The following ALK variants were observed in gnomAD, a reference collection of about 807,000 sequenced individuals.
The protein encoded by ALK is ALK receptor tyrosine kinase.
In ALK, 74 loss-of-function variants were observed where a neutral mutation model predicts 163.1. That is an observed-to-expected ratio of 0.45 (90% CI 0.38 to 0.55). ALK has a LOEUF of 0.55. Ranked by LOEUF, ALK falls within the 20% of genes least tolerant of loss-of-function variation. ALK has a pLI of 0.00. For missense variants in ALK, 2,063 were observed against 2,105.3 expected (o/e 0.98, Z 0.39); for synonymous variants, 960 against 843.2 (o/e 1.14, Z -2.40).
At chr2:29,369,303 CA>C (rs1479985330) in intron 5 of ALK, among the ~76,000 whole-genome samples, 1 of 135,066 alleles carries the variant, frequency 7.4e-6, no homozygotes, top group African/African-American at 2.9e-5. Context: ...TGCACACGTG[CA>C]TATTTGTGTG....
chr2:29,577,061 C>T (rs866027802), intron 3 of ALK, among the ~76,000 whole-genome samples: 14 of 152,276 alleles, frequency 9.2e-5, no homozygotes, highest in Admixed American at 2.0e-4. Context: ...TCATCTTCCA[C>T]GAAACCAGTC....
At position 29,193,461 on chromosome 2, in the gene ALK, TG is replaced by T. The variant is rs1174832921; in HGVS notation, c.4625del (p.Pro1542HisfsTer16). On this transcript the variant is annotated frameshift_variant, in exon 29 of 29. Coordinates refer to ENST00000389048, the MANE Select transcript of ALK (RefSeq NM_004304.5). LOFTEE classifies it low-confidence loss of function (END_TRUNC). The stretch of plus-strand genomic sequence containing the variant: ...GAAGTCTCCCAGTTGCAACGTTAGG[TG>T]GGACAGTACAGCTTCCCTCCAGCCC... ...NLGLEGSCTV[P>X]PNVATGRLPG... 6.2e-7 allele frequency: 1 copy of T among 1,613,992 alleles called. No homozygotes were observed. Among genetic ancestry groups the T allele is most frequent in the African/African-American group, 1.3e-5 (1 of 74,902 alleles).
intron 5 of ALK, among the ~76,000 whole-genome samples, chr2:29,339,763 G>A: frequency 6.6e-6 from 1 of 152,188 alleles, no homozygotes; most frequent in East Asian, 1.9e-4. Flanking sequence ...AGGTGATGGT[G>A]AGAGAGGACA....
In ALK at chr2:29,643,404, A is replaced by G. The variant is rs185840628; in HGVS notation, c.952+51446T>C. Among the ~76,000 whole-genome samples the G allele has an allele frequency of 9.8e-5, 15 of 152,340 alleles. No homozygotes were observed. In the East Asian group the frequency reaches 2.9e-3, roughly 29 times the overall value. ...AAAAAATATGTTGGAAAGATTGTGGAGAGTTTTTAATTTTAGTCTAAGAAA... is the reference window on the plus strand; with the variant it reads ...AAAAAATATGTTGGAAAGATTGTGGGGAGTTTTTAATTTTAGTCTAAGAAA... On this transcript the variant is annotated intron_variant, in intron 3 of 28. Coordinates refer to ENST00000389048, the MANE Select transcript of ALK (RefSeq NM_004304.5).
At chr2:29,787,000 T>G (rs1051705554) in intron 1 of ALK, among the ~76,000 whole-genome samples, 3 of 152,184 alleles carry the variant, frequency 2.0e-5, no homozygotes, top group Non-Finnish European at 4.4e-5. Flanking sequence ...TTTCACCATG[T>G]TAGCCAGGAT....
chr2:29,213,365 A>AGAGT (rs1490357794), intron 24 of ALK, among the ~76,000 whole-genome samples: 1 of 152,268 alleles, frequency 6.6e-6, no homozygotes, highest in Non-Finnish European at 1.5e-5. Context: ...GCTTCATTTC[A>AGAGT]GAGTATTTTA....
intron 26 of ALK, among the ~76,000 whole-genome samples, chr2:29,202,372 A>T (rs1669203891): frequency 6.6e-6 from 1 of 152,236 alleles, no homozygotes. Context: ...TAATTTGTTT[A>T]AGCATTCCAA....
chr2:29,246,285 C>A lies in ALK; in HGVS notation c.2204+4820G>T, dbSNP rs75700642. On this transcript the variant is annotated intron_variant, in intron 12 of 28. Transcript: ENST00000389048. The surrounding 1 kb of genome is among the most constrained non-coding windows in gnomAD (Gnocchi z 4.3). ...GGGGGCGGGCTGGGCTGAGTGCTGG[C>A]GCCTCTGCCTGTGGCAGGCCACCCG... Among the ~76,000 whole-genome samples the A allele has an allele frequency of 6.6e-6, 1 of 152,048 alleles. No individual in the cohort carries two copies. The highest frequency in any genetic ancestry group is 1.5e-5 in the Non-Finnish European group (1 of 67,986).
chr2:29,437,046 GT>G (rs1670418694), intron 4 of ALK, among the ~76,000 whole-genome samples: 1 of 152,170 alleles, frequency 6.6e-6, no homozygotes. Flanking sequence ...TGGTGTTGGT[GT>G]TTTCTCGGCC....
intron 4 of ALK, among the ~76,000 whole-genome samples, chr2:29,513,962 A>G (rs1362177251): frequency 8.1e-5 from 10 of 123,796 alleles, no homozygotes; most frequent in African/African-American, 3.2e-4. Flanking sequence ...ACCATCTCAC[A>G]CCAGTTAGAA....
At chr2:29,503,195 T>C (rs1573408141) in intron 4 of ALK, among the ~76,000 whole-genome samples, 1 of 152,316 alleles carries the variant, frequency 6.6e-6, no homozygotes, top group South Asian at 2.1e-4. Context: ...AACTGACTTA[T>C]GAGATAGATA....
intron 3 of ALK, among the ~76,000 whole-genome samples, chr2:29,573,762 A>G (rs1674446154): frequency 6.6e-6 from 1 of 152,234 alleles, no homozygotes; most frequent in African/African-American, 2.4e-5. Context: ...GAATAGAACA[A>G]CAAACATGAC....
At chr2:29,585,251 GAAAGTA>G (rs1248665182) in intron 3 of ALK, among the ~76,000 whole-genome samples, 1 of 152,140 alleles carries the variant, frequency 6.6e-6, no homozygotes, top group East Asian at 1.9e-4. Flanking sequence ...ATGCAAAGAA[GAAAGTA>G]AAAGTCAATT....
chr2:29,802,273 A>G (rs1572390559), intron 1 of ALK, among the ~76,000 whole-genome samples: 1 of 144,904 alleles, frequency 6.9e-6, no homozygotes, highest in East Asian at 2.1e-4. Flanking sequence ...TTATCAAGAG[A>G]AAGAGGAGAG....
At chr2:29,797,963 C>T (rs929919573) in intron 1 of ALK, among the ~76,000 whole-genome samples, 3 of 152,044 alleles carry the variant, frequency 2.0e-5, no homozygotes, top group Non-Finnish European at 4.4e-5. Flanking sequence ...CGGAAGGCCA[C>T]GGGGTGGTAA....
At chr2:29,550,838 C>A (rs1673697196) in intron 3 of ALK, among the ~76,000 whole-genome samples, 1 of 152,128 alleles carries the variant, frequency 6.6e-6, no homozygotes. Flanking sequence ...TATTTCACCA[C>A]CTGCATAGGA....
At chr2:29,528,770 C>T (rs1302658710) in intron 4 of ALK, among the ~76,000 whole-genome samples, 1 of 152,170 alleles carries the variant, frequency 6.6e-6, no homozygotes, top group Non-Finnish European at 1.5e-5. Context: ...TTATCCTATT[C>T]ATTCAGTTCA....
At chr2:29,831,452 G>A (rs1254756834) in intron 1 of ALK, among the ~76,000 whole-genome samples, 2 of 151,860 alleles carry the variant, frequency 1.3e-5, no homozygotes, top group African/African-American at 2.4e-5. Context: ...TATGCCCTGA[G>A]GCACAATGAC....
At chr2:29,273,370 A>G (rs1665445222) in intron 11 of ALK, among the ~76,000 whole-genome samples, 1 of 152,212 alleles carries the variant, frequency 6.6e-6, no homozygotes, top group Admixed American at 6.5e-5. Context: ...CAAGTTTCTC[A>G]GTGGGGAGAC....
Sources: gnomAD v4.1 joint callset for allele counts (sites outside exome capture counted in the v4.1 genomes callset) on GRCh38, gnomAD v4.1.1 for gene constraint, Gnocchi (gnomAD v3.1) non-coding constraint, MANE v1.5 for transcripts, NCBI Gene and HGNC (gene_info 2026-07-23, HGNC 2026-07-21) for gene names.